Variants in CTNNA2 observed in about 807,000 individuals in gnomAD.
CTNNA2 encodes the protein catenin alpha 2.
A neutral mutation model predicts 101.0 loss-of-function variants in CTNNA2; 42 were observed. The ratio of observed to expected loss-of-function variants is 0.42; its 90% CI spans 0.32 to 0.54. The LOEUF is 0.54. Among genes scored for constraint, CTNNA2 ranks in the 20% least tolerant of loss-of-function variants. The probability of loss-of-function intolerance (pLI) is 0.14; values close to 1 mark genes in which losing one functional copy is unlikely to be tolerated. For synonymous variants in CTNNA2, 450 were observed against 456.4 expected, an observed-to-expected ratio of 0.99 and a Z score of 0.18; for missense variants, 871 against 1,223.1, an observed-to-expected ratio of 0.71 and a Z score of 4.29.
chr2:79,781,588 A>G (rs560220326), intron 3 of CTNNA2, among the ~76,000 whole-genome samples: 3 of 152,324 alleles, frequency 2.0e-5, no homozygotes, highest in African/African-American at 7.2e-5. Flanking sequence ...TTCCTTAAAT[A>G]TAATTGATTT....
intron 7 of CTNNA2, among the ~76,000 whole-genome samples, chr2:80,380,342 G>A (rs929997806): frequency 2.6e-5 from 4 of 152,014 alleles, no homozygotes; most frequent in Admixed American, 1.3e-4. Context: ...GGCCAGAGAT[G>A]TACTTTTGGG....
At chr2:79,303,413 G>A (rs1415919326) in intron 2 of CTNNA2, among the ~76,000 whole-genome samples, 1 of 152,146 alleles carries the variant, frequency 6.6e-6, no homozygotes, top group Non-Finnish European at 1.5e-5. Context: ...TACTGGGAGA[G>A]GGGCTATCAA....
chr2:80,623,929 T>A (rs2149813085), intron 18 of CTNNA2, among the ~76,000 whole-genome samples: 1 of 152,102 alleles, frequency 6.6e-6, no homozygotes, highest in Non-Finnish European at 1.5e-5. Context: ...AAGCATATTC[T>A]CAAGAAAATT....
At chr2:80,606,412 A>ACACACCC (rs1011187162) in intron 16 of CTNNA2, among the ~76,000 whole-genome samples, 2 of 48,682 alleles carry the variant, frequency 4.1e-5, no homozygotes, top group African/African-American at 2.4e-4. Context: ...ACACACACAC[A>ACACACCC]CCCCCCAGGA....
chr2:80,192,640 C>A (rs1244939164), intron 7 of CTNNA2, among the ~76,000 whole-genome samples: 1 of 152,084 alleles, frequency 6.6e-6, no homozygotes, highest in African/African-American at 2.4e-5. Context: ...GATTCTCCTG[C>A]CTCAGCCTCC....
chr2:80,471,661 C>A (rs1685313644), intron 9 of CTNNA2, among the ~76,000 whole-genome samples: 1 of 152,092 alleles, frequency 6.6e-6, no homozygotes, highest in Admixed American at 6.5e-5. Flanking sequence ...CTCATAGGAG[C>A]CAGTTGTTGC....
intron 9 of CTNNA2, among the ~76,000 whole-genome samples, chr2:80,475,424 A>G (rs1366970092): frequency 1.3e-5 from 2 of 152,196 alleles, no homozygotes; most frequent in Non-Finnish European, 2.9e-5. Context: ...AGATATTTTT[A>G]ATTTATTAAG....
At chr2:79,900,185 T>C (rs959666688) in intron 6 of CTNNA2, among the ~76,000 whole-genome samples, 1 of 152,192 alleles carries the variant, frequency 6.6e-6, no homozygotes, top group Admixed American at 6.5e-5. Flanking sequence ...TTTTCAGTGC[T>C]GTAAAATTCC....
chr2:80,341,648 C>T (rs888600137), intron 7 of CTNNA2, among the ~76,000 whole-genome samples: 3 of 152,118 alleles, frequency 2.0e-5, no homozygotes, highest in Non-Finnish European at 2.9e-5. Context: ...AATTAGAACC[C>T]TCACTCATTG....
intron 7 of CTNNA2, among the ~76,000 whole-genome samples, chr2:80,103,365 G>A (rs948011689): frequency 1.4e-4 from 21 of 151,956 alleles, no homozygotes; most frequent in African/African-American, 4.8e-4. Context: ...TCTCTTAATC[G>A]TCTTAGAAGG....
chr2:80,634,217 G>T (rs1322954042), intron 18 of CTNNA2, among the ~76,000 whole-genome samples: 1 of 152,060 alleles, frequency 6.6e-6, no homozygotes, highest in Non-Finnish European at 1.5e-5. Context: ...GAGTATATAA[G>T]AATATTAAAA....
chr2:80,015,731 T>C, intron 7 of CTNNA2, among the ~76,000 whole-genome samples: 1 of 152,222 alleles, frequency 6.6e-6, no homozygotes, highest in East Asian at 1.9e-4. Context: ...AACACTCAAG[T>C]ACTGCAGGAT....
intron 7 of CTNNA2, among the ~76,000 whole-genome samples, chr2:80,226,706 G>T (rs1264276477): frequency 6.6e-6 from 1 of 152,142 alleles, no homozygotes; most frequent in Non-Finnish European, 1.5e-5. Flanking sequence ...ACCTGATGGA[G>T]GTCCTGAGTG....
intron 7 of CTNNA2, among the ~76,000 whole-genome samples, chr2:80,337,182 C>T (rs556394025): frequency 6.6e-5 from 10 of 152,054 alleles, no homozygotes; most frequent in East Asian, 1.9e-4. Flanking sequence ...GGTGAAACCC[C>T]GTCTCTACTA....
rs59206973 is a variant in CTNNA2, at chr2:80,589,860, C to CTGTGTGTG, written c.2189+414_2189+421dup. 1.2e-3 allele frequency among the ~76,000 whole-genome samples: 175 copies of CTGTGTGTG among 140,578 alleles called. 1 individual carries two copies. Among genetic ancestry groups the CTGTGTGTG allele is most frequent in the African/African-American group, 3.2e-3 (122 of 38,698 alleles). The allele number at this position is 140,578 out of a possible 152,430, so 92.2% of individuals were successfully genotyped here. On this transcript the variant is annotated intron_variant, in intron 15 of 18. Coordinates refer to ENST00000402739, the MANE Select transcript of CTNNA2 (RefSeq NM_001282597.3). Reference sequence around the variant, plus strand: ...TATACCTTTGGAAAAATATGTACCTCTGTGTGTGTGTGTGTGTGTGTGTGT... The same window carrying CTGTGTGTG: ...TATACCTTTGGAAAAATATGTACCTCTGTGTGTGTGTGTGTGTGTGTGTGTGTGTGTGT...
chr2:79,723,104 T>C (rs543909789), intron 2 of CTNNA2, among the ~76,000 whole-genome samples: 1 of 152,302 alleles, frequency 6.6e-6, no homozygotes, highest in Non-Finnish European at 1.5e-5. Flanking sequence ...AGTATTTCCA[T>C]AAGAAAAGTT....
intron 6 of CTNNA2, among the ~76,000 whole-genome samples, chr2:79,885,961 T>G (rs1367511546): frequency 6.6e-6 from 1 of 152,198 alleles, no homozygotes. Context: ...AGGATAAGGT[T>G]TAGCCACCAG....
intron 3 of CTNNA2, among the ~76,000 whole-genome samples, chr2:79,836,465 G>T (rs1679372527): frequency 6.6e-6 from 1 of 152,174 alleles, no homozygotes; most frequent in Non-Finnish European, 1.5e-5. Flanking sequence ...TGAGGTGCAT[G>T]CATTTCCTCT....
chr2:79,526,716 T>C (rs912254869), intron 1 of CTNNA2, among the ~76,000 whole-genome samples: 1 of 152,066 alleles, frequency 6.6e-6, no homozygotes, highest in Admixed American at 6.6e-5. Context: ...ACAAGACAAT[T>C]TAATGGGGGA....
Sources: gnomAD v4.1 joint callset for allele counts (sites outside exome capture counted in the v4.1 genomes callset) on GRCh38, gnomAD v4.1.1 for gene constraint, MANE v1.5 for transcripts, NCBI Gene and HGNC (gene_info 2026-07-23, HGNC 2026-07-21) for gene names.